CDC25B: variants seen among roughly 807,000 people sequenced by gnomAD.
The protein encoded by CDC25B is M-phase inducer phosphatase 2.
CDC25B carries 33 observed loss-of-function variants against 69.8 expected under a neutral mutation model. The ratio of observed to expected loss-of-function variants is 0.47; its 90% CI spans 0.36 to 0.63. The LOEUF (loss-of-function observed/expected upper bound fraction) is 0.63, where lower values mean the gene tolerates loss of function less well. CDC25B is among the 30% of genes least tolerant of loss of function. CDC25B has a pLI of 0.00. For synonymous variants in CDC25B, 341 were observed against 314.6 expected (o/e 1.08, Z -0.89); for missense variants, 727 against 809.1 (o/e 0.90, Z 1.23).
At chr20:3,798,316 T>C in intron 2 of CDC25B, 96 bp from the exon 3 acceptor site, 1 of 40,716 alleles carries the variant, frequency 2.5e-5, no homozygotes, top group Non-Finnish European at 3.5e-5. Flanking sequence ...CTAGAAACTG[T>C]TTTTTTTTTT....
intron 3 of CDC25B, 136 bp from the exon 4 acceptor site, chr20:3,800,152 C>A (rs11569998): frequency 1.4e-6 from 1 of 716,568 alleles, no homozygotes; most frequent in South Asian, 1.8e-5. Context: ...GCGTTCTTCC[C>A]ACCCCACCCC....
At position 3,796,700 on chromosome 20, in the gene CDC25B, C is replaced by T; in HGVS notation, c.169C>T (p.Gln57Ter). 2 of 1,562,210 alleles carry T rather than the reference C, an allele frequency of 1.3e-6. No homozygotes were observed. Among genetic ancestry groups the T allele is most frequent in the Non-Finnish European group, 1.7e-6 (2 of 1,163,200 alleles). The change falls in exon 1 of 16, where the codon CAG (glutamine) becomes TAG (stop). Residue 57 changes from glutamine to a stop codon, truncating the protein, a stop_gained. Coordinates refer to ENST00000245960, the MANE Select transcript of CDC25B (RefSeq NM_021873.4). LOFTEE classifies it high-confidence loss of function. ...TTCCTCGCCGGTCACCACCCTCACCCAGACCATGCACGACCTCGCCGGGCT... is the reference window on the plus strand; with the variant it reads ...TTCCTCGCCGGTCACCACCCTCACCTAGACCATGCACGACCTCGCCGGGCT... ...AASSPVTTLT[Q>*]TMHDLAGLGS...
chr20:3,791,999 C>T (rs58812190), upstream of CDC25B, among the ~76,000 whole-genome samples: 1 of 151,378 alleles, frequency 6.6e-6, no homozygotes, highest in Non-Finnish European at 1.5e-5. Flanking sequence ...CTGCAACCTC[C>T]GCCTCCTGGA....
rs781120690 is a variant in CDC25B at position 3,801,389 on chromosome 20, G to T, written c.840+1G>T. 6.2e-7 allele frequency: 1 copy of T among 1,609,146 alleles called. No individual in the cohort carries two copies. ...GGACATCCTAGAGAGTGACTTAAAGGTAAACAGCCTTGTCCCACCAGGCCC... is the reference window on the plus strand; with the variant it reads ...GGACATCCTAGAGAGTGACTTAAAGTTAAACAGCCTTGTCCCACCAGGCCC... On this transcript the variant is annotated splice_donor_variant, in intron 8 of 15. Coordinates refer to ENST00000245960, the MANE Select transcript of CDC25B (RefSeq NM_021873.4). LOFTEE classifies it high-confidence loss of function.
intron 8 of CDC25B, 153 bp downstream of exon 8, chr20:3,801,541 A>C: frequency 8.9e-7 from 1 of 1,129,052 alleles, no homozygotes; most frequent in Non-Finnish European, 1.3e-6. Context: ...CCTCTGGCCA[A>C]TGAGAGAAGA....
chr20:3,801,044 G>C lies in CDC25B; in HGVS notation c.656G>C (p.Ser219Thr). 1.2e-6 allele frequency: 2 copies of C among 1,614,066 alleles called. No homozygotes were observed. Among genetic ancestry groups the C allele is most frequent in the Non-Finnish European group, 8.5e-7 (1 of 1,179,912 alleles). ...ACCCATGCTCTGGCAGAGTGGGCCA[G>C]CCGCAGGGAAGCCTTTGCCCAGAGA... ...SSTHALAEWA[S>T]RREAFAQRPS... Residue 219 changes from serine (S) to threonine (T), a missense_variant, in exon 7 of 16, where the codon AGC becomes ACC. Transcript: ENST00000245960.
chr20:3,802,019 C>G lies in CDC25B; in HGVS notation c.1017C>G (p.Pro339=). The change falls in exon 10 of 16, where the codon CCC becomes CCG. Residue 339 remains proline, a synonymous_variant. Coordinates refer to ENST00000245960, the MANE Select transcript of CDC25B (RefSeq NM_021873.4). ...IRPILKRLER[P]QDRDTPVQNK... ...CCATCCTCAAGAGGCTGGAGCGGCC[C>G]CAGGACAGGGACACGCCCGTGCAGA... 2.5e-6 allele frequency: 4 copies of G among 1,593,660 alleles called. No homozygotes were observed. The highest frequency in any genetic ancestry group is 3.4e-6 in the Non-Finnish European group (4 of 1,170,654).
chr20:3,803,685 A>T lies in CDC25B; in HGVS notation c.1490+148A>T. On this transcript the variant is annotated intron_variant, in intron 14 of 15. Transcript: ENST00000245960. The surrounding 1 kb of genome is among the most constrained non-coding windows in gnomAD (Gnocchi z 4.9). ...ATGGCCTAGAGCTGACCTCAGCCCC[A>T]CTTCACTGTGCATGGTACCCGCCTC... 1.0e-6 allele frequency: 1 copy of T among 956,576 alleles called. No individual in the cohort carries two copies. The highest frequency in any genetic ancestry group is 1.6e-5 in the African/African-American group (1 of 61,510). The allele number at this position is 956,576 out of a possible 1,614,324, so 59.3% of individuals were successfully genotyped here.
rs993987233 is a variant in CDC25B, at chr20:3,804,658, A to G, written c.1580A>G (p.Lys527Arg). The G allele has an allele frequency of 6.2e-7, 1 of 1,607,394 alleles. No individual in the cohort carries two copies. The highest frequency in any genetic ancestry group is 8.5e-7 in the Non-Finnish European group (1 of 1,176,570). Residue 527 changes from lysine (K) to arginine (R), a missense_variant, in exon 15 of 16, where the codon AAG becomes AGG. By Grantham distance (26) the Lys-to-Arg change is conservative. Around this residue, in one of 2 missense-constraint regions of CDC25B, gnomAD observed 359 missense variants for 463.4 expected, o/e 0.77. Transcript: ENST00000245960. ...ATGTATATCCTGAAAGGCGGCTACA[A>G]GGAGTTCTTCCCTCAGCACCCGGTA... is the stretch of plus-strand genomic sequence containing the variant. ...PEMYILKGGYKEFFPQHPNFC... is the reference protein window; with the variant it reads ...PEMYILKGGYREFFPQHPNFC...
Position 3,803,625 on chromosome 20 carries a change from G to A in CDC25B, c.1490+88G>A. 6.4e-7 allele frequency: 1 copy of A among 1,550,844 alleles called. No homozygotes were observed. The highest frequency in any genetic ancestry group is 1.7e-5 in the Admixed American group (1 of 58,890). ...GGTGCTGGCACCATTGAGATGGCCA[G>A]GGGTGCAAGTCCAGGTCCTCCTCTG... On this transcript the variant is annotated intron_variant, in intron 14 of 15. Coordinates refer to ENST00000245960, the MANE Select transcript of CDC25B (RefSeq NM_021873.4). This position sits in a 1 kb window ranked among gnomAD's most constrained non-coding sequence, Gnocchi z 4.9.
intron 11 of CDC25B, 28 bp downstream of exon 11, chr20:3,802,404 T>C (rs1277907539): frequency 6.5e-7 from 1 of 1,543,734 alleles, no homozygotes; most frequent in Non-Finnish European, 8.9e-7. Context: ...GGGGGTACCT[T>C]GGGGGCTTGA....
At chr20:3,796,835 C>T (rs2089074494) in intron 1 of CDC25B, 104 bp downstream of exon 1, 1 of 1,413,736 alleles carries the variant, frequency 7.1e-7, no homozygotes, top group South Asian at 1.4e-5. Context: ...GAGGTGGAGT[C>T]CGGGGAGGCA....
At position 3,803,801 on chromosome 20, in the gene CDC25B, C is replaced by T. The variant is rs188138159; in HGVS notation, c.1490+264C>T. On this transcript the variant is annotated intron_variant, in intron 14 of 15. Coordinates refer to ENST00000245960, the MANE Select transcript of CDC25B (RefSeq NM_021873.4). This position sits in a 1 kb window ranked among gnomAD's most constrained non-coding sequence, Gnocchi z 4.9. Reference sequence around the variant, plus strand: ...AGAAAATTTAGTTCCAAGTCTCTAGCGGTGTCTTTTCTCGAAATCTAAGGG... The same window carrying T: ...AGAAAATTTAGTTCCAAGTCTCTAGTGGTGTCTTTTCTCGAAATCTAAGGG... Among the ~76,000 whole-genome samples the T allele has an allele frequency of 1.8e-4, 28 of 151,786 alleles. No individual in the cohort carries two copies. The East Asian group carries it at 3.5e-3, about 19-fold the overall frequency.
At position 3,800,765 on chromosome 20, in the gene CDC25B, C is replaced by T. The variant is rs771606389; in HGVS notation, c.482C>T (p.Pro161Leu). ...TAGGTGAGGCTGCTGGGCCACAGCC[C>T]CGTGCTTCGGAACATCACCAACTCC... ...SMPVRLLGHSPVLRNITNSQA... is the reference protein window; with the variant it reads ...SMPVRLLGHSLVLRNITNSQA... The change falls in exon 6 of 16, where the codon CCC becomes CTC. Residue 161 changes from proline (P) to leucine (L), a missense_variant. By Grantham distance (98) the Pro-to-Leu change is moderately conservative (BLOSUM62 -3). Transcript: ENST00000245960. 1 of 1,610,670 alleles carries T rather than the reference C, an allele frequency of 6.2e-7. No homozygotes were observed. Among genetic ancestry groups the T allele is most frequent in the Non-Finnish European group, 8.5e-7 (1 of 1,180,004 alleles).
upstream of CDC25B, among the ~76,000 whole-genome samples, chr20:3,792,029 T>C (rs1377444610): frequency 6.6e-6 from 1 of 152,050 alleles, no homozygotes; most frequent in East Asian, 1.9e-4. Flanking sequence ...TTCTCCTGCC[T>C]CAGACTCCCA....
Position 3,802,474 on chromosome 20 carries a change from C to T in CDC25B, c.1194+98C>T, listed in dbSNP as rs148925276. ...CTGCTTGGGTTCCTCCCTTTCTCCC[C>T]GGAGCCCCCCTTTTCTTTGTCCTTT... On this transcript the variant is annotated intron_variant, in intron 11 of 15. Transcript: ENST00000245960. 165 of 766,272 alleles carry T rather than the reference C, an allele frequency of 2.2e-4. 1 individual carries two copies. The highest frequency in any genetic ancestry group is 2.0e-3 in the African/African-American group (113 of 57,528). The allele number at this position is 766,272 out of a possible 1,614,324, so 47.5% of individuals were successfully genotyped here.
Position 3,804,599 on chromosome 20 carries a change from T to A in CDC25B, c.1521T>A (p.Ala507=). Residue 507 remains alanine (A), a synonymous_variant, in exon 15 of 16, where the codon GCT becomes GCA. Transcript: ENST00000245960. The stretch of plus-strand genomic sequence containing the variant: ...GTTTCATCAGGGAACGAGACCGTGC[T>A]GTCAACGACTACCCCAGCCTCTACT... ...MCRFIRERDR[A]VNDYPSLYYP... The A allele has an allele frequency of 6.2e-7, 1 of 1,614,092 alleles. No homozygotes were observed. Among genetic ancestry groups the A allele is most frequent in the South Asian group, 1.1e-5 (1 of 91,090 alleles).
chr20:3,797,578 C>T, intron 1 of CDC25B, 44 bp from the exon 2 acceptor site: 2 of 1,609,900 alleles, frequency 1.2e-6, no homozygotes, highest in African/African-American at 1.3e-5. Flanking sequence ...CCTTGAGCCC[C>T]ACGTTTACCT....
intron 5 of CDC25B, 23 bp downstream of exon 5, chr20:3,800,521 T>G: frequency 6.2e-7 from 1 of 1,613,670 alleles, no homozygotes; most frequent in Non-Finnish European, 8.5e-7. Flanking sequence ...GAGGCCTGAC[T>G]GAGGCTTAGG....
Sources: gnomAD v4.1 joint callset for allele counts (sites outside exome capture counted in the v4.1 genomes callset) on GRCh38, gnomAD v4.1.1 for gene constraint, gnomAD v4.1.1 regional missense constraint, Gnocchi (gnomAD v3.1) non-coding constraint, MANE v1.5 for transcripts, NCBI Gene and HGNC (gene_info 2026-07-23, HGNC 2026-07-21) for gene names.